C1orf146: variants seen among roughly 807,000 people sequenced by gnomAD.
C1orf146 encodes the protein protein SPO16 homolog.
C1orf146 carries 22 observed loss-of-function variants against 23.0 expected under a neutral mutation model. The observed-to-expected ratio is 0.96, with a 90% confidence interval of 0.68 to 1.36. The LOEUF (loss-of-function observed/expected upper bound fraction) is 1.36, where lower values mean the gene tolerates loss of function less well. Ranked by LOEUF, C1orf146 falls within the 40% of genes most tolerant of loss-of-function variation. C1orf146 has a pLI of 0.00. For missense variants in C1orf146, 199 were observed against 206.8 expected (o/e 0.96, Z 0.23); for synonymous variants, 59 against 65.3 (o/e 0.90, Z 0.47).
intron 1 of C1orf146, among the ~76,000 whole-genome samples, chr1:92,218,897 C>T (rs1188397217): frequency 1.3e-5 from 2 of 152,164 alleles, no homozygotes; most frequent in Non-Finnish European, 1.5e-5. Flanking sequence ...GAAGGCACTG[C>T]CCCAGCCCCA....
intron 2 of C1orf146, among the ~76,000 whole-genome samples, chr1:92,237,430 G>T (rs188534564): frequency 6.6e-6 from 1 of 152,302 alleles, no homozygotes; most frequent in African/African-American, 2.4e-5. Context: ...GGTTTTTTGT[G>T]AACCACGAAT....
At chr1:92,238,711 G>C (rs1288866314) in intron 2 of C1orf146, among the ~76,000 whole-genome samples, 2 of 152,024 alleles carry the variant, frequency 1.3e-5, no homozygotes, top group Non-Finnish European at 2.9e-5. Flanking sequence ...GGGTGCTCAT[G>C]ATCTGCCTGC....
At chr1:92,235,609 G>A (rs139366045) in intron 2 of C1orf146, among the ~76,000 whole-genome samples, 6,930 of 152,264 alleles carry the variant, frequency 0.046, 416 homozygotes, top group African/African-American at 0.14. Context: ...GGAGAGTTCT[G>A]TAGATGTCTG....
chr1:92,229,928 C>T (rs1652069281), intron 1 of C1orf146, among the ~76,000 whole-genome samples: 1 of 152,256 alleles, frequency 6.6e-6, no homozygotes, highest in South Asian at 2.1e-4. Context: ...AGATTTAGAG[C>T]TCAGTGAGAT....
chr1:92,222,601 T>G (rs1651856317), intron 1 of C1orf146, among the ~76,000 whole-genome samples: 1 of 150,246 alleles, frequency 6.7e-6, no homozygotes. Context: ...CTTTTTTTTT[T>G]TTTGAGACGG....
rs1211264281 is a variant in C1orf146, at chr1:92,222,365, TATATATAAC to T, written c.-40+4329_-40+4337del. Among the ~76,000 whole-genome samples the T allele has an allele frequency of 3.4e-5, 5 of 147,890 alleles. No individual in the cohort carries two copies. The South Asian group carries it at 1.1e-3, about 34-fold the overall frequency. ...GTGTATATATAATGTAACATGCATG[TATATATAAC>T]ATATATAACATGCATGTATAACATA... On this transcript the variant is annotated intron_variant, in intron 1 of 5. Transcript: ENST00000370375.
intron 1 of C1orf146, among the ~76,000 whole-genome samples, chr1:92,221,752 T>C (rs1370096707): frequency 6.6e-6 from 1 of 152,214 alleles, no homozygotes; most frequent in East Asian, 1.9e-4. Flanking sequence ...GGCATTAATT[T>C]TAGTTTCCAT....
At chr1:92,218,753 A>C (rs1373335561) in intron 1 of C1orf146, among the ~76,000 whole-genome samples, 3 of 151,528 alleles carry the variant, frequency 2.0e-5, no homozygotes, top group South Asian at 2.1e-4. Flanking sequence ...CTGCACGCTC[A>C]GCGTTCACCT....
At chr1:92,241,940 G>A (rs928882163) in intron 2 of C1orf146, among the ~76,000 whole-genome samples, 14 of 152,160 alleles carry the variant, frequency 9.2e-5, no homozygotes, top group Non-Finnish European at 4.4e-5. Context: ...GGTTTATACA[G>A]TTTTTTAATG....
intron 2 of C1orf146, among the ~76,000 whole-genome samples, chr1:92,234,010 G>C (rs1424079815): frequency 1.3e-5 from 2 of 152,136 alleles, no homozygotes; most frequent in Non-Finnish European, 2.9e-5. Context: ...GAGATTTTGG[G>C]CTGAGACGAT....
At position 92,217,948 on chromosome 1, in the gene C1orf146, CACCCTGGGCGCTCTGCCCTA is replaced by C. The variant is rs1199502674; in HGVS notation, c.-139_-120del. On this transcript the variant is annotated 5_prime_UTR_variant, in exon 1 of 6. Coordinates refer to ENST00000370375, the MANE Select transcript of C1orf146 (RefSeq NM_001012425.2). ...AGCGACTGCAGAACCCTGCCCCAGG[CACCCTGGGCGCTCTGCCCTA>C]CCGGCGGCGCCTCTCACTGCTCACG... 2.0e-5 allele frequency: 3 copies of C among 152,434 alleles called. No homozygotes were observed. Among genetic ancestry groups the C allele is most frequent in the African/African-American group, 7.2e-5 (3 of 41,596 alleles). The allele number at this position is 152,434 out of a possible 1,614,324, so 9.4% of individuals were successfully genotyped here.
intron 2 of C1orf146, among the ~76,000 whole-genome samples, chr1:92,237,406 G>A (rs1652311032): frequency 6.6e-6 from 1 of 152,224 alleles, no homozygotes; most frequent in Admixed American, 6.5e-5. Flanking sequence ...CAGCAGTGGT[G>A]TCTGCAGAAC....
chr1:92,221,215 T>C (rs190753823), intron 1 of C1orf146, among the ~76,000 whole-genome samples: 1 of 152,176 alleles, frequency 6.6e-6, no homozygotes, highest in East Asian at 1.9e-4. Context: ...TTATCCTAAG[T>C]GAATTAGTGC....
At chr1:92,228,014 T>A (rs937279690) in intron 1 of C1orf146, among the ~76,000 whole-genome samples, 1 of 152,168 alleles carries the variant, frequency 6.6e-6, no homozygotes, top group African/African-American at 2.4e-5. Flanking sequence ...AGACTTCAGT[T>A]ATCTCTCTGT....
intron 2 of C1orf146, among the ~76,000 whole-genome samples, chr1:92,235,393 G>A (rs1189521378): frequency 6.6e-6 from 1 of 152,148 alleles, no homozygotes; most frequent in East Asian, 1.9e-4. Flanking sequence ...GGAGCAGGTT[G>A]TTCAGTTTCC....
chr1:92,242,715 C>T (rs1570799104), intron 3 of C1orf146, among the ~76,000 whole-genome samples: 2 of 151,870 alleles, frequency 1.3e-5, no homozygotes, highest in African/African-American at 4.8e-5. Flanking sequence ...TAAATATTAA[C>T]CAAAAGAATC....
chr1:92,237,091 C>G (rs1257313894), intron 2 of C1orf146, among the ~76,000 whole-genome samples: 4 of 152,052 alleles, frequency 2.6e-5, no homozygotes, highest in African/African-American at 9.7e-5. Context: ...TGTCTGAAGC[C>G]TTCTTCTCTC....
chr1:92,222,691 A>G (rs992900443), intron 1 of C1orf146, among the ~76,000 whole-genome samples: 2 of 148,812 alleles, frequency 1.3e-5, no homozygotes, highest in African/African-American at 5.0e-5. Context: ...GGTTCATGCC[A>G]TTCTCCTGCT....
At chr1:92,240,427 A>C (rs911482574) in intron 2 of C1orf146, among the ~76,000 whole-genome samples, 3 of 152,214 alleles carry the variant, frequency 2.0e-5, no homozygotes, top group African/African-American at 7.2e-5. Flanking sequence ...TAAATTACTT[A>C]ATCTGCCATT....
Sources: allele counts gnomAD v4.1 joint callset (sites outside exome capture counted in the v4.1 genomes callset), GRCh38; gene constraint gnomAD v4.1.1; transcripts MANE v1.5; gene names NCBI Gene and HGNC (gene_info 2026-07-23, HGNC 2026-07-21).